Variants in ADAMTS18 observed in about 807,000 individuals in gnomAD.
ADAMTS18 encodes the protein A disintegrin and metalloproteinase with thrombospondin motifs 18.
ADAMTS18 carries 157 observed loss-of-function variants against 165.9 expected under a neutral mutation model. That is an observed-to-expected ratio of 0.95 (90% CI 0.83 to 1.08). The LOEUF (loss-of-function observed/expected upper bound fraction) is 1.08, where lower values mean the gene tolerates loss of function less well. ADAMTS18 is among the 50% of genes least tolerant of loss of function. ADAMTS18 has a pLI of 0.00. For missense variants in ADAMTS18, 2,040 were observed against 1,534.0 expected, an observed-to-expected ratio of 1.33 and a Z score of -5.51; for synonymous variants, 782 against 578.2, an observed-to-expected ratio of 1.35 and a Z score of -5.06.
intron 8 of ADAMTS18, 69 bp from the exon 9 acceptor site, chr16:77,356,146 G>A (rs2056627333): frequency 3.8e-6 from 6 of 1,599,176 alleles, no homozygotes; most frequent in Admixed American, 1.7e-5. Flanking sequence ...ATCTGAGGAA[G>A]AATAAAGATG....
Position 77,291,390 on chromosome 16 carries a change from T to A in ADAMTS18, c.3278A>T (p.Glu1093Val). The A allele has an allele frequency of 6.2e-7, 1 of 1,614,162 alleles. No homozygotes were observed. The highest frequency in any genetic ancestry group is 8.5e-7 in the Non-Finnish European group (1 of 1,180,010). The change falls in exon 21 of 23, where the codon GAG becomes GTG. Residue 1093 changes from glutamate (E) to valine (V), a missense_variant. Transcript: ENST00000282849. Reference sequence around the variant, plus strand: ...TTTCTTAATATTACGGCATCTTCGCTCTGGGAAAGTTATCAGCTTTCCCTG... The same window carrying A: ...TTTCTTAATATTACGGCATCTTCGCACTGGGAAAGTTATCAGCTTTCCCTG... ...GFQGKLITFP[E>V]RRCRNIKKPN... is the part of the protein sequence containing the mutation.
rs1408786890 is a variant in ADAMTS18 at position 77,284,031 on chromosome 16, T to C, written c.3591A>G (p.Leu1197=). The C allele has an allele frequency of 6.2e-7, 1 of 1,613,978 alleles. No individual in the cohort carries two copies. Among genetic ancestry groups the C allele is most frequent in the Non-Finnish European group, 8.5e-7 (1 of 1,179,902 alleles). The change falls in exon 23 of 23, where the codon CTA becomes CTG. Residue 1197 remains leucine, a synonymous_variant. Coordinates refer to ENST00000282849, the MANE Select transcript of ADAMTS18 (RefSeq NM_199355.4). ...GGTTGCAGACACCATGCTGAGGAAC[T>C]AGGTGACACCAGTTGAAGAAATCTA... ...SCVDFFNWCH[L]VPQHGVCNHK...
intron 16 of ADAMTS18, among the ~76,000 whole-genome samples, chr16:77,313,121 A>AC (rs35960562): frequency 0.036 from 5,440 of 151,672 alleles, 113 homozygotes; most frequent in South Asian, 0.052. Flanking sequence ...GCCATAAAAA[A>AC]TGTTGAGTTC....
intron 3 of ADAMTS18, among the ~76,000 whole-genome samples, chr16:77,396,398 T>A (rs746911637): frequency 2.6e-5 from 4 of 152,186 alleles, no homozygotes; most frequent in Non-Finnish European, 5.9e-5. Context: ...CTACAAAAAA[T>A]ATGACTGCAC....
Position 77,431,498 on chromosome 16 carries a change from G to A in ADAMTS18, c.292C>T (p.His98Tyr). 1 of 1,614,210 alleles carries A rather than the reference G, an allele frequency of 6.2e-7. No homozygotes were observed. The highest frequency in any genetic ancestry group is 2.2e-5 in the East Asian group (1 of 44,884). Residue 98 changes from histidine (H) to tyrosine (Y), a missense_variant, in exon 3 of 23, where the codon CAC becomes TAC. Physicochemically the swap from His to Tyr is moderately conservative, Grantham distance 83. Coordinates refer to ENST00000282849, the MANE Select transcript of ADAMTS18 (RefSeq NM_199355.4). ...RSAQNARSSL[H>Y]YRFSAFGQEL... Reference sequence around the variant, plus strand: ...TGTCCAAATGCTGAAAATCGGTAGTGCAGGGAGCTTCTGGCATTCTGCGCC... The same window carrying A: ...TGTCCAAATGCTGAAAATCGGTAGTACAGGGAGCTTCTGGCATTCTGCGCC...
intron 22 of ADAMTS18, among the ~76,000 whole-genome samples, chr16:77,284,813 AGAGGGGAGCATTAAGGGAGG>A (rs575180797): frequency 9.2e-5 from 14 of 152,182 alleles, no homozygotes; most frequent in Admixed American, 5.2e-4. Flanking sequence ...AAGGGCTGTC[AGAGGGGAGCATTAAGGGAGG>A]GTGTGCTGCT....
At chr16:77,402,612 A>G (rs923599609) in intron 3 of ADAMTS18, among the ~76,000 whole-genome samples, 3 of 152,388 alleles carry the variant, frequency 2.0e-5, no homozygotes, top group Middle Eastern at 3.4e-3. Flanking sequence ...ACTTTTAAAA[A>G]TAACTTTAAG....
Position 77,434,933 on chromosome 16 carries a change from G to T in ADAMTS18, c.-238C>A, listed in dbSNP as rs1045486129. ...GCTGCAGTTTGCGGCACCCCAGAGGGTACGGGGGGCTCCCTGGGCCGGGAC... is the reference window on the plus strand; with the variant it reads ...GCTGCAGTTTGCGGCACCCCAGAGGTTACGGGGGGCTCCCTGGGCCGGGAC... On this transcript the variant is annotated 5_prime_UTR_variant, in exon 1 of 23. Coordinates refer to ENST00000282849, the MANE Select transcript of ADAMTS18 (RefSeq NM_199355.4). The T allele has an allele frequency of 1.1e-5, 4 of 370,506 alleles. No homozygotes were observed. The East Asian group carries it at 1.8e-4, about 17-fold the overall frequency. The allele number at this position is 370,506 out of a possible 1,614,324, so 23.0% of individuals were successfully genotyped here.
intron 2 of ADAMTS18, among the ~76,000 whole-genome samples, chr16:77,431,910 T>C (rs75668210): frequency 0.016 from 2,381 of 152,324 alleles, 74 homozygotes; most frequent in African/African-American, 0.054. Context: ...TAGAACATTC[T>C]TTTGATGTTT....
chr16:77,432,036 G>A (rs1223163445), intron 2 of ADAMTS18, among the ~76,000 whole-genome samples: 1 of 152,144 alleles, frequency 6.6e-6, no homozygotes, highest in Non-Finnish European at 1.5e-5. Flanking sequence ...ATTTCTTCAA[G>A]GAGGTTAATT....
intron 3 of ADAMTS18, among the ~76,000 whole-genome samples, chr16:77,397,185 G>C (rs974842827): frequency 9.9e-5 from 15 of 152,096 alleles, no homozygotes; most frequent in Non-Finnish European, 2.2e-4. Flanking sequence ...AGAAAAAATA[G>C]CTTTAGAATC....
intron 22 of ADAMTS18, among the ~76,000 whole-genome samples, chr16:77,286,779 C>T (rs923725706): frequency 3.3e-5 from 5 of 152,128 alleles, no homozygotes; most frequent in Non-Finnish European, 7.3e-5. Flanking sequence ...AGGTAGCTTC[C>T]AGACACGTAA....
chr16:77,376,210 C>T (rs1312833057), intron 3 of ADAMTS18, among the ~76,000 whole-genome samples: 1 of 152,134 alleles, frequency 6.6e-6, no homozygotes, highest in Non-Finnish European at 1.5e-5. Context: ...GCCGCAGACA[C>T]ATCTTACATG....
At chr16:77,378,359 A>C (rs1038326407) in intron 3 of ADAMTS18, among the ~76,000 whole-genome samples, 1 of 149,622 alleles carries the variant, frequency 6.7e-6, no homozygotes, top group East Asian at 1.9e-4. Flanking sequence ...ACAAAAAAAA[A>C]AAAAACCAAG....
At chr16:77,312,429 G>C (rs1440565078) in intron 16 of ADAMTS18, among the ~76,000 whole-genome samples, 1 of 152,060 alleles carries the variant, frequency 6.6e-6, no homozygotes, top group African/African-American at 2.4e-5. Context: ...ATAGAGACAA[G>C]GGTTCACCAT....
intron 16 of ADAMTS18, among the ~76,000 whole-genome samples, chr16:77,306,363 T>C (rs2055681776): frequency 6.6e-6 from 1 of 152,236 alleles, no homozygotes; most frequent in South Asian, 2.1e-4. Flanking sequence ...AGACAGGGGC[T>C]GGAATCTACC....
chr16:77,347,080 G>T (rs756240068), intron 10 of ADAMTS18, among the ~76,000 whole-genome samples: 1 of 152,116 alleles, frequency 6.6e-6, no homozygotes. Context: ...CTTTTGTTCG[G>T]CATGTTTTTC....
intron 3 of ADAMTS18, among the ~76,000 whole-genome samples, chr16:77,424,440 C>A (rs2057645560): frequency 6.6e-6 from 1 of 151,450 alleles, no homozygotes; most frequent in South Asian, 2.1e-4. Context: ...TGCACTCCAG[C>A]CTGGGCAACA....
chr16:77,431,891 A>G, intron 2 of ADAMTS18: 1 of 510,246 alleles, frequency 2.0e-6, no homozygotes, highest in South Asian at 2.2e-5. Context: ...CATTGTCTGG[A>G]GAGAGATTTA....
Sources: gnomAD v4.1 joint callset for allele counts (sites outside exome capture counted in the v4.1 genomes callset) on GRCh38, gnomAD v4.1.1 for gene constraint, MANE v1.5 for transcripts, NCBI Gene and HGNC (gene_info 2026-07-23, HGNC 2026-07-21) for gene names.